Variants in MEGF11 observed in about 807,000 individuals in gnomAD.
MEGF11 encodes the protein multiple epidermal growth factor-like domains protein 11.
In MEGF11, 126 loss-of-function variants were observed where a neutral mutation model predicts 146.6. That is an observed-to-expected ratio of 0.86 (90% CI 0.74 to 1.00). The LOEUF (loss-of-function observed/expected upper bound fraction) is 1.00. Ranked by LOEUF, MEGF11 falls within the 50% of genes least tolerant of loss-of-function variation. MEGF11 has a pLI of 0.00. For missense variants in MEGF11, 1,509 were observed against 1,521.2 expected (o/e 0.99, Z 0.13); for synonymous variants, 532 against 583.4 (o/e 0.91, Z 1.27).
At chr15:66,053,471 GTTATCATTA>G (rs1195216044) in intron 5 of MEGF11, among the ~76,000 whole-genome samples, 2 of 152,060 alleles carry the variant, frequency 1.3e-5, no homozygotes, top group East Asian at 3.8e-4. Flanking sequence ...GGGGAATGGG[GTTATCATTA>G]TTATCATTAT....
At chr15:65,972,359 T>A (rs2081322990) in intron 7 of MEGF11, among the ~76,000 whole-genome samples, 1 of 152,224 alleles carries the variant, frequency 6.6e-6, no homozygotes, top group African/African-American at 2.4e-5. Flanking sequence ...TCAAGGCATG[T>A]TATCGTAAAC....
intron 5 of MEGF11, among the ~76,000 whole-genome samples, chr15:66,005,371 C>T (rs1567198459): frequency 6.6e-6 from 1 of 152,166 alleles, no homozygotes; most frequent in Admixed American, 6.5e-5. Context: ...CTTCATCTGC[C>T]AAGTGGAGAT....
intron 4 of MEGF11, among the ~76,000 whole-genome samples, chr15:66,110,085 G>A (rs1424624852): frequency 6.6e-6 from 1 of 152,200 alleles, no homozygotes; most frequent in East Asian, 1.9e-4. Flanking sequence ...CAACCACCGT[G>A]TGGCTCCCAA....
intron 1 of MEGF11, among the ~76,000 whole-genome samples, chr15:66,237,488 C>T (rs1286755916): frequency 6.6e-6 from 1 of 152,154 alleles, no homozygotes; most frequent in African/African-American, 2.4e-5. Context: ...CAATGGCTGC[C>T]GTTTTAAGGG....
intron 5 of MEGF11, among the ~76,000 whole-genome samples, chr15:66,087,980 G>T (rs996403924): frequency 7.2e-5 from 11 of 152,046 alleles, no homozygotes; most frequent in African/African-American, 2.4e-4. Context: ...ACAAAGAAAC[G>T]CAACAGGAGA....
At chr15:66,059,967 T>C (rs969489061) in intron 5 of MEGF11, among the ~76,000 whole-genome samples, 4 of 151,624 alleles carry the variant, frequency 2.6e-5, no homozygotes, top group Non-Finnish European at 4.4e-5. Flanking sequence ...GACAGGGAAG[T>C]GTCTGAGGGG....
At chr15:65,989,158 G>T (rs1313057801) in intron 5 of MEGF11, among the ~76,000 whole-genome samples, 1 of 152,158 alleles carries the variant, frequency 6.6e-6, no homozygotes, top group African/African-American at 2.4e-5. Flanking sequence ...TGTTCTCACT[G>T]GTCCTCTCAG....
intron 15 of MEGF11, chr15:65,921,787 G>A (rs1206947607): frequency 6.5e-6 from 1 of 153,924 alleles, no homozygotes; most frequent in Non-Finnish European, 1.4e-5. Context: ...ATGCAAATAA[G>A]CTTTATATCT....
intron 13 of MEGF11, among the ~76,000 whole-genome samples, chr15:65,924,249 C>T (rs996733184): frequency 2.0e-5 from 3 of 151,796 alleles, no homozygotes; most frequent in Non-Finnish European, 4.4e-5. Flanking sequence ...TACTCATCCT[C>T]CTGTTCCTCA....
At chr15:66,227,370 A>T (rs1597162965) in intron 1 of MEGF11, among the ~76,000 whole-genome samples, 2 of 152,280 alleles carry the variant, frequency 1.3e-5, no homozygotes, top group Admixed American at 1.3e-4. Context: ...TTTTATCCTC[A>T]GCATTATTAT....
chr15:66,148,724 G>A (rs1296635059), intron 1 of MEGF11, among the ~76,000 whole-genome samples: 1 of 152,212 alleles, frequency 6.6e-6, no homozygotes, highest in African/African-American at 2.4e-5. Flanking sequence ...CTGTTGACAA[G>A]CACAGGGTTG....
intron 5 of MEGF11, among the ~76,000 whole-genome samples, chr15:66,032,354 C>T (rs1403886635): frequency 6.6e-6 from 1 of 152,100 alleles, no homozygotes; most frequent in African/African-American, 2.4e-5. Context: ...ACAGCAGATA[C>T]CTGAAAATGT....
intron 9 of MEGF11, among the ~76,000 whole-genome samples, chr15:65,958,843 C>T (rs2080755108): frequency 6.6e-6 from 1 of 152,180 alleles, no homozygotes; most frequent in African/African-American, 2.4e-5. Flanking sequence ...ACTAACACAC[C>T]AAAGAAGTGC....
At chr15:66,249,801 T>C (rs1462976133) in intron 1 of MEGF11, among the ~76,000 whole-genome samples, 2 of 152,214 alleles carry the variant, frequency 1.3e-5, no homozygotes, top group African/African-American at 4.8e-5. Flanking sequence ...CCAGACCCAT[T>C]GAATCAGAAA....
chr15:65,992,630 C>T (rs2082088239), intron 5 of MEGF11, among the ~76,000 whole-genome samples: 1 of 149,246 alleles, frequency 6.7e-6, no homozygotes, highest in Non-Finnish European at 1.5e-5. Flanking sequence ...TTATCAACTT[C>T]GGGGACTTTA....
intron 24 of MEGF11, among the ~76,000 whole-genome samples, chr15:65,904,431 C>T (rs1454326648): frequency 6.6e-6 from 1 of 152,154 alleles, no homozygotes; most frequent in Non-Finnish European, 1.5e-5. Flanking sequence ...TGGGGATGAC[C>T]TTTTGTCCTC....
At chr15:66,137,959 T>C (rs2140994301) in intron 1 of MEGF11, among the ~76,000 whole-genome samples, 1 of 152,324 alleles carries the variant, frequency 6.6e-6, no homozygotes, top group Admixed American at 6.5e-5. Flanking sequence ...CTCAAGAGGC[T>C]GAGGCAAGAG....
intron 10 of MEGF11, among the ~76,000 whole-genome samples, chr15:65,946,933 C>T (rs1468235539): frequency 6.6e-6 from 1 of 152,318 alleles, no homozygotes; most frequent in South Asian, 2.1e-4. Flanking sequence ...GAGCCCCTGA[C>T]TGGCTTCCCT....
At chr15:65,963,871 T>C (rs970565875) in intron 9 of MEGF11, among the ~76,000 whole-genome samples, 1 of 152,168 alleles carries the variant, frequency 6.6e-6, no homozygotes, top group African/African-American at 2.4e-5. Context: ...TCCAGAGTGA[T>C]TTGTGAAAGA....
Sources: allele counts gnomAD v4.1 joint callset (sites outside exome capture counted in the v4.1 genomes callset), GRCh38; gene constraint gnomAD v4.1.1; transcripts MANE v1.5; gene names NCBI Gene and HGNC (gene_info 2026-07-23, HGNC 2026-07-21).